MAN2A1: variants seen among roughly 807,000 people sequenced by gnomAD.
MAN2A1 encodes alpha-mannosidase 2.
Under a neutral mutation model 142.6 loss-of-function variants are expected in MAN2A1, and 76 were observed. The observed-to-expected ratio is 0.53, with a 90% CI of 0.44 to 0.65. The LOEUF (loss-of-function observed/expected upper bound fraction) is 0.65. MAN2A1 is among the 30% of genes least tolerant of loss of function. MAN2A1 has a pLI of 0.00. For synonymous variants in MAN2A1, 559 were observed against 473.2 expected (o/e 1.18, Z -2.35); for missense variants, 1,311 against 1,365.1 (o/e 0.96, Z 0.62).
intron 1 of MAN2A1, among the ~76,000 whole-genome samples, chr5:109,705,166 ATCTT>A (rs950441245): frequency 6.6e-6 from 1 of 151,572 alleles, no homozygotes; most frequent in African/African-American, 2.4e-5. Context: ...TTCCTAACTC[ATCTT>A]TCTTGTCATT....
intron 1 of MAN2A1, among the ~76,000 whole-genome samples, chr5:109,702,033 C>CTGTGCTTAG (rs1477527271): frequency 6.6e-6 from 1 of 152,188 alleles, no homozygotes; most frequent in Non-Finnish European, 1.5e-5. Flanking sequence ...CACTTGGGGA[C>CTGTGCTTAG]TGTGCTTAGT....
At position 109,865,117 on chromosome 5, in the gene MAN2A1, G is replaced by A. The variant is rs1311401131; in HGVS notation, c.3253G>A (p.Gly1085Arg). 1.2e-6 allele frequency: 2 copies of A among 1,613,856 alleles called. No individual in the cohort carries two copies. Among genetic ancestry groups the A allele is most frequent in the Non-Finnish European group, 1.7e-6 (2 of 1,179,890 alleles). Reference protein sequence around the residue: ...FDCRFSSKGTGLFCSTTQGKI... With the variant: ...FDCRFSSKGTRLFCSTTQGKI... Reference sequence around the variant, plus strand: ...TTGTCGGTTCTCTAGCAAAGGCACAGGGCTGTTTTGTTCTACTACTCAGGG... The same window carrying A: ...TTGTCGGTTCTCTAGCAAAGGCACAAGGCTGTTTTGTTCTACTACTCAGGG... Residue 1085 changes from glycine to arginine, a missense_variant, in exon 21 of 22, where the codon GGG becomes AGG. This residue lies in a region of MAN2A1 where 890 missense variants were observed against 920.5 expected (regional missense o/e 0.97). Coordinates refer to ENST00000261483, the MANE Select transcript of MAN2A1 (RefSeq NM_002372.4).
At chr5:109,704,886 C>T (rs1381759108) in intron 1 of MAN2A1, among the ~76,000 whole-genome samples, 5 of 152,070 alleles carry the variant, frequency 3.3e-5, no homozygotes, top group African/African-American at 1.2e-4. Context: ...CTAGGTAATC[C>T]CATTTGTTCC....
At chr5:109,761,935 A>G (rs1483047247) in intron 5 of MAN2A1, among the ~76,000 whole-genome samples, 6 of 152,108 alleles carry the variant, frequency 3.9e-5, no homozygotes, top group African/African-American at 1.2e-4. Context: ...TAAGAATTGT[A>G]TATAGTATTC....
intron 1 of MAN2A1, among the ~76,000 whole-genome samples, chr5:109,706,342 T>G (rs1751131195): frequency 6.6e-6 from 1 of 152,216 alleles, no homozygotes; most frequent in Non-Finnish European, 1.5e-5. Flanking sequence ...TTCAAAGTGA[T>G]TTTTCAAAAG....
chr5:109,798,082 A>G (rs764269518), intron 12 of MAN2A1, among the ~76,000 whole-genome samples: 35 of 152,320 alleles, frequency 2.3e-4, no homozygotes, highest in Non-Finnish European at 4.6e-4. Flanking sequence ...AAACAATTAG[A>G]CGTAGTGAAA....
At chr5:109,840,786 T>G (rs1755183035) in intron 16 of MAN2A1, 7 of 280,952 alleles carry the variant, frequency 2.5e-5, no homozygotes, top group South Asian at 2.5e-4. Context: ...CTGGGAACAC[T>G]GGGAACCTGT....
chr5:109,797,867 T>C (rs977841273), intron 12 of MAN2A1, among the ~76,000 whole-genome samples: 3 of 152,172 alleles, frequency 2.0e-5, no homozygotes, highest in African/African-American at 7.2e-5. Context: ...GACTATGAAG[T>C]TTTGAAATCA....
chr5:109,747,801 C>G (rs563854851), intron 4 of MAN2A1, among the ~76,000 whole-genome samples: 1 of 152,142 alleles, frequency 6.6e-6, no homozygotes, highest in African/African-American at 2.4e-5. Context: ...AGTATAAGGA[C>G]ATGTGTAATA....
At chr5:109,848,694 C>T (rs1755403251) in intron 19 of MAN2A1, among the ~76,000 whole-genome samples, 1 of 152,100 alleles carries the variant, frequency 6.6e-6, no homozygotes, top group African/African-American at 2.4e-5. Context: ...TCATTCTCTC[C>T]CTCTCTCTTT....
chr5:109,758,635 T>C (rs1213865416), intron 5 of MAN2A1, among the ~76,000 whole-genome samples: 2 of 149,760 alleles, frequency 1.3e-5, no homozygotes, highest in African/African-American at 4.9e-5. Flanking sequence ...TTTTAGCTCT[T>C]ACATTTATGT....
chr5:109,759,107 G>T (rs1171207941), intron 5 of MAN2A1, among the ~76,000 whole-genome samples: 1 of 152,042 alleles, frequency 6.6e-6, no homozygotes, highest in Non-Finnish European at 1.5e-5. Flanking sequence ...ATATCAGCTA[G>T]AATTTTGCTA....
In MAN2A1 at chr5:109,716,268, A is replaced by C. The variant is rs1751450421; in HGVS notation, c.535+4A>C. The C allele has an allele frequency of 6.3e-7, 1 of 1,598,164 alleles. No homozygotes were observed. Among genetic ancestry groups the C allele is most frequent in the Admixed American group, 1.7e-5 (1 of 57,908 alleles). ...CCTCATTCCCATAACGACCCAGGTAAAATTTGCACTTCAAAAAGACAGGAG... is the reference window on the plus strand; with the variant it reads ...CCTCATTCCCATAACGACCCAGGTACAATTTGCACTTCAAAAAGACAGGAG... On this transcript the variant is annotated splice_donor_region_variant and intron_variant, in intron 3 of 21. Transcript: ENST00000261483.
intron 3 of MAN2A1, among the ~76,000 whole-genome samples, chr5:109,725,981 T>A (rs1318566813): frequency 6.6e-6 from 1 of 152,222 alleles, no homozygotes; most frequent in Non-Finnish European, 1.5e-5. Context: ...ATGCACTCTT[T>A]GTTTTAAATA....
At chr5:109,841,915 C>A (rs1755214746) in intron 16 of MAN2A1, among the ~76,000 whole-genome samples, 1 of 152,130 alleles carries the variant, frequency 6.6e-6, no homozygotes, top group Non-Finnish European at 1.5e-5. Context: ...AATTTCTGGT[C>A]TATAAGGAGA....
rs768998719 is a variant in MAN2A1, at chr5:109,770,539, C to A, written c.1194C>A (p.Ser398Arg). The A allele has an allele frequency of 4.5e-5, 72 of 1,612,520 alleles. No individual in the cohort carries two copies. Among genetic ancestry groups the A allele is most frequent in the Non-Finnish European group, 5.9e-5 (69 of 1,179,252 alleles). The change falls in exon 7 of 22, where the codon AGC becomes AGA. Residue 398 changes from serine to arginine, a missense_variant and splice_region_variant. Coordinates refer to ENST00000261483, the MANE Select transcript of MAN2A1 (RefSeq NM_002372.4). ...CAATACATCCTGGAAATGTCCAAAG[C>A]AGGTATGAAAATGCGTATTTCATAA... ...PETIHPGNVQ[S>R]RARMLLDQYR...
intron 1 of MAN2A1, among the ~76,000 whole-genome samples, chr5:109,708,944 G>A (rs552256242): frequency 3.3e-5 from 5 of 152,212 alleles, no homozygotes; most frequent in South Asian, 4.2e-4. Context: ...CTCACACACC[G>A]TCTCCTCTGG....
chr5:109,780,159 G>T (rs987166013), intron 8 of MAN2A1, among the ~76,000 whole-genome samples: 4 of 152,062 alleles, frequency 2.6e-5, no homozygotes, highest in Non-Finnish European at 5.9e-5. Context: ...CTGGGTTCAC[G>T]CCATTCTCCT....
rs1040289246 is a variant in MAN2A1, at chr5:109,809,756, TG to T, written c.1944-7514del. 7.7e-4 allele frequency among the ~76,000 whole-genome samples: 118 copies of T among 152,302 alleles called. 1 individual carries two copies. Among genetic ancestry groups the T allele is most frequent in the African/African-American group, 2.8e-3 (115 of 41,580 alleles). On this transcript the variant is annotated intron_variant, in intron 12 of 21. Coordinates refer to ENST00000261483, the MANE Select transcript of MAN2A1 (RefSeq NM_002372.4). ...GGATCACAGAGTTTTTTTGTATCTG[TG>T]GGTTAGTCCCTTTCCTTAGTTTTGG...
Sources: allele counts gnomAD v4.1 joint callset (sites outside exome capture counted in the v4.1 genomes callset), GRCh38; gene constraint gnomAD v4.1.1; regional missense constraint gnomAD v4.1.1; transcripts MANE v1.5; gene names NCBI Gene and HGNC (gene_info 2026-07-23, HGNC 2026-07-21).